The following DIP2A variants were observed in gnomAD, a reference collection of about 807,000 sequenced individuals.
DIP2A encodes the protein disco-interacting protein 2 homolog A.
In DIP2A, 85 loss-of-function variants were observed where a neutral mutation model predicts 177.4. The ratio of observed to expected loss-of-function variants is 0.48; its 90% confidence interval spans 0.40 to 0.57. The LOEUF is 0.57. Ranked by LOEUF, DIP2A falls within the 20% of genes least tolerant of loss-of-function variation. DIP2A has a pLI of 0.00. For missense variants in DIP2A, 1,791 were observed against 2,100.2 expected (o/e 0.85, Z 2.88); for synonymous variants, 886 against 881.8 (o/e 1.00, Z -0.08).
At chr21:46,510,253 G>A (rs2058241208) in intron 7 of DIP2A, among the ~76,000 whole-genome samples, 2 of 152,176 alleles carry the variant, frequency 1.3e-5, no homozygotes, top group African/African-American at 4.8e-5. Flanking sequence ...GGCCAGTCTA[G>A]TCTTTCCACG....
In DIP2A at chr21:46,547,050, G is replaced by A. The variant is rs373435101; in HGVS notation, c.2522+8G>A. On this transcript the variant is annotated splice_region_variant and intron_variant, in intron 21 of 37. Transcript: ENST00000417564. ...GTTTGTCTACAGAGGCAGGTGATGC[G>A]CTGCGGACCCCCACGCCGGGAGTAG... 5.5e-5 allele frequency: 88 copies of A among 1,612,126 alleles called. No individual in the cohort carries two copies. Among genetic ancestry groups the A allele is most frequent in the South Asian group, 2.2e-4 (20 of 91,004 alleles).
intron 8 of DIP2A, among the ~76,000 whole-genome samples, chr21:46,528,390 TTAAA>T (rs2059196441): frequency 6.6e-6 from 1 of 151,996 alleles, no homozygotes; most frequent in Non-Finnish European, 1.5e-5. Flanking sequence ...CAATATTAAT[TTAAA>T]AAGTAGGGTG....
intron 25 of DIP2A, chr21:46,553,208 T>C (rs1350603197): frequency 6.6e-6 from 1 of 152,252 alleles, no homozygotes; most frequent in African/African-American, 2.4e-5. Flanking sequence ...ATTTGGAATC[T>C]CAGGATCTGC....
chr21:46,562,199 G>A (rs1332605759), intron 34 of DIP2A, among the ~76,000 whole-genome samples: 1 of 152,170 alleles, frequency 6.6e-6, no homozygotes, highest in Non-Finnish European at 1.5e-5. Flanking sequence ...CCTAGTTTAG[G>A]GTGTCAGCAG....
intron 33 of DIP2A, 123 bp from the exon 34 acceptor site, chr21:46,561,625 T>C: frequency 7.8e-7 from 1 of 1,283,750 alleles, no homozygotes; most frequent in Non-Finnish European, 1.1e-6. Context: ...TGTGGAAAGG[T>C]TGACATCCTG....
At chr21:46,505,073 A>C (rs983236293) in intron 6 of DIP2A, among the ~76,000 whole-genome samples, 1 of 152,170 alleles carries the variant, frequency 6.6e-6, no homozygotes, top group Non-Finnish European at 1.5e-5. Context: ...AATTTAAATA[A>C]AAATTAAGAG....
intron 3 of DIP2A, among the ~76,000 whole-genome samples, chr21:46,495,717 C>A (rs771574083): frequency 4.4e-4 from 67 of 152,122 alleles, no homozygotes; most frequent in Non-Finnish European, 7.8e-4. Context: ...AAGTGATCCT[C>A]CAGCTTCAGC....
intron 19 of DIP2A, among the ~76,000 whole-genome samples, 196 bp from the exon 20 acceptor site, chr21:46,545,685 T>A (rs1300512761): frequency 1.3e-5 from 2 of 152,228 alleles, no homozygotes; most frequent in Non-Finnish European, 2.9e-5. Context: ...GGGATGCTTG[T>A]TTCCTGCCTC....
intron 1 of DIP2A, among the ~76,000 whole-genome samples, chr21:46,465,685 C>A (rs1045192237): frequency 6.6e-6 from 1 of 151,860 alleles, no homozygotes; most frequent in African/African-American, 2.4e-5. Context: ...TCTCCACTTG[C>A]AGTTTTAAAA....
chr21:46,528,166 A>G (rs1784521127), intron 8 of DIP2A, among the ~76,000 whole-genome samples: 8 of 151,928 alleles, frequency 5.3e-5, no homozygotes, highest in Admixed American at 5.2e-4. Context: ...TTTGGTTTAT[A>G]TTGTCTCTTG....
chr21:46,543,528 G>A (rs1317346417), intron 18 of DIP2A, among the ~76,000 whole-genome samples: 27 of 151,636 alleles, frequency 1.8e-4, no homozygotes, highest in Admixed American at 1.2e-3. Flanking sequence ...TCTGCCAGGC[G>A]CGCGTGCAAA....
intron 8 of DIP2A, among the ~76,000 whole-genome samples, chr21:46,519,056 G>A (rs962318131): frequency 1.3e-5 from 2 of 152,150 alleles, no homozygotes; most frequent in African/African-American, 4.8e-5. Context: ...GGAACTGAGG[G>A]TTCCTCCCAT....
chr21:46,555,677 A>C, intron 28 of DIP2A: 1 of 371,984 alleles, frequency 2.7e-6, no homozygotes, highest in South Asian at 2.6e-5. Context: ...ACTTTTGGCA[A>C]ATCCCTAGTC....
chr21:46,541,715 T>TCCC (rs764727929), intron 17 of DIP2A, 41 bp from the exon 18 acceptor site: 1 of 1,611,668 alleles, frequency 6.2e-7, no homozygotes, highest in Admixed American at 1.7e-5. Flanking sequence ...TGGAATTTCA[T>TCCC]CCCCCTCGTC....
At chr21:46,538,059 A>T (rs1394463782) in intron 15 of DIP2A, among the ~76,000 whole-genome samples, 1 of 151,438 alleles carries the variant, frequency 6.6e-6, no homozygotes, top group Non-Finnish European at 1.5e-5. Flanking sequence ...GGGTGGGGGG[A>T]TTGCTGGATT....
chr21:46,541,663 T>A, intron 17 of DIP2A, 93 bp from the exon 18 acceptor site: 1 of 1,457,944 alleles, frequency 6.9e-7, no homozygotes, highest in Non-Finnish European at 9.5e-7. Context: ...AGCAGTGGCT[T>A]TGGTGCAGAA....
intron 8 of DIP2A, among the ~76,000 whole-genome samples, chr21:46,518,662 G>A (rs1943206962): frequency 6.6e-6 from 1 of 152,162 alleles, no homozygotes; most frequent in South Asian, 2.1e-4. Context: ...TTTGAGACCA[G>A]CCTGGCCAAC....
intron 1 of DIP2A, among the ~76,000 whole-genome samples, chr21:46,459,717 A>G (rs1209810349): frequency 4.1e-5 from 6 of 145,680 alleles, no homozygotes; most frequent in Admixed American, 4.0e-4. Context: ...CCCCTCCCCC[A>G]TACAAGGACT....
chr21:46,475,418 G>T (rs901857237), intron 1 of DIP2A, among the ~76,000 whole-genome samples: 7 of 152,176 alleles, frequency 4.6e-5, no homozygotes, highest in African/African-American at 1.7e-4. Context: ...CATGTTCAGG[G>T]TCTTAACTTC....
Sources: allele counts gnomAD v4.1 joint callset (sites outside exome capture counted in the v4.1 genomes callset), GRCh38; gene constraint gnomAD v4.1.1; transcripts MANE v1.5; gene names NCBI Gene and HGNC (gene_info 2026-07-23, HGNC 2026-07-21).